The following ROBO2 variants were observed in gnomAD, a reference collection of about 807,000 sequenced individuals.
ROBO2 encodes roundabout homolog 2.
Under a neutral mutation model 160.8 loss-of-function variants are expected in ROBO2, and 53 were observed. The observed-to-expected ratio is 0.33, with a 90% CI of 0.26 to 0.41. ROBO2 has a LOEUF of 0.41. Ranked by LOEUF, ROBO2 falls within the 10% of genes least tolerant of loss-of-function variation. ROBO2 has a pLI of 1.00. For missense variants in ROBO2, 1,577 were observed against 1,722.4 expected (o/e 0.92, Z 1.49); for synonymous variants, 664 against 611.7 (o/e 1.09, Z -1.26).
chr3:77,002,316 A>G (rs1048644750), intron 2 of ROBO2, among the ~76,000 whole-genome samples: 1 of 151,896 alleles, frequency 6.6e-6, no homozygotes, highest in South Asian at 2.1e-4. Flanking sequence ...TTCTCTAAAA[A>G]TTTATAATGC....
intron 2 of ROBO2, among the ~76,000 whole-genome samples, chr3:77,472,067 C>T (rs1445333680): frequency 1.3e-5 from 2 of 152,094 alleles, no homozygotes; most frequent in African/African-American, 4.8e-5. Context: ...AGTTTAAAGT[C>T]TGAAGTGGCG....
chr3:76,005,639 C>T (rs539145055), intron 2 of ROBO2, among the ~76,000 whole-genome samples: 2 of 152,278 alleles, frequency 1.3e-5, no homozygotes, highest in Admixed American at 1.3e-4. Context: ...CAATAATTTC[C>T]TCTCTATATA....
intron 2 of ROBO2, among the ~76,000 whole-genome samples, chr3:76,064,037 C>G (rs1218800670): frequency 1.3e-5 from 2 of 152,172 alleles, no homozygotes; most frequent in Non-Finnish European, 2.9e-5. Flanking sequence ...AGCAGAGAAA[C>G]AGGGACGTTA....
At chr3:76,026,762 A>G (rs1576537624) in intron 2 of ROBO2, among the ~76,000 whole-genome samples, 1 of 152,108 alleles carries the variant, frequency 6.6e-6, no homozygotes, top group East Asian at 1.9e-4. Context: ...CAAAATGTGA[A>G]GTAGGGAAGG....
chr3:77,292,989 C>T (rs557621529), intron 2 of ROBO2, among the ~76,000 whole-genome samples: 362 of 144,788 alleles, frequency 2.5e-3, no homozygotes, highest in South Asian at 6.2e-3. Context: ...GTAAAATTGA[C>T]GGTTAAACGG....
intron 2 of ROBO2, among the ~76,000 whole-genome samples, chr3:75,958,979 C>T (rs1221823185): frequency 1.3e-5 from 2 of 151,766 alleles, no homozygotes; most frequent in Non-Finnish European, 2.9e-5. Flanking sequence ...GCTGTCAAGC[C>T]ATGCTTTGCT....
chr3:76,564,709 G>A (rs2084405634), intron 2 of ROBO2, among the ~76,000 whole-genome samples: 1 of 152,158 alleles, frequency 6.6e-6, no homozygotes, highest in Non-Finnish European at 1.5e-5. Context: ...ACACACAGGT[G>A]GGGACAGGCC....
chr3:76,794,964 G>A (rs529121302), intron 2 of ROBO2, among the ~76,000 whole-genome samples: 1 of 152,016 alleles, frequency 6.6e-6, no homozygotes, highest in East Asian at 1.9e-4. Context: ...TGCACATTCA[G>A]GTCCAGACCA....
chr3:77,420,362 G>A (rs955268434), intron 2 of ROBO2, among the ~76,000 whole-genome samples: 4 of 151,780 alleles, frequency 2.6e-5, no homozygotes, highest in South Asian at 4.1e-4. Flanking sequence ...ATATATGGTC[G>A]TGTATCATAA....
intron 2 of ROBO2, among the ~76,000 whole-genome samples, chr3:77,321,905 T>C (rs899056710): frequency 1.3e-5 from 2 of 152,006 alleles, no homozygotes; most frequent in Admixed American, 6.6e-5. Flanking sequence ...GTACAGAAGA[T>C]AAGTGTAAAT....
intron 2 of ROBO2, among the ~76,000 whole-genome samples, chr3:76,206,825 A>C (rs1198640751): frequency 6.6e-5 from 10 of 152,176 alleles, no homozygotes; most frequent in Admixed American, 6.5e-4. Flanking sequence ...GTAATGTGCA[A>C]AGCATCTGTA....
chr3:76,333,102 G>T (rs2073615155), intron 2 of ROBO2, among the ~76,000 whole-genome samples: 1 of 152,126 alleles, frequency 6.6e-6, no homozygotes, highest in Non-Finnish European at 1.5e-5. Flanking sequence ...TATGTAAACT[G>T]GTCTTCAGTG....
intron 7 of ROBO2, among the ~76,000 whole-genome samples, chr3:77,547,260 T>C (rs1191482389): frequency 6.6e-6 from 1 of 152,116 alleles, no homozygotes; most frequent in Non-Finnish European, 1.5e-5. Flanking sequence ...TTGTGTTGTT[T>C]GCAAAATAAT....
At chr3:76,143,914 T>G (rs2071785678) in intron 2 of ROBO2, among the ~76,000 whole-genome samples, 1 of 151,900 alleles carries the variant, frequency 6.6e-6, no homozygotes, top group African/African-American at 2.4e-5. Context: ...GAACAGTGTC[T>G]CAGCTCAGAG....
intron 16 of ROBO2, among the ~76,000 whole-genome samples, chr3:77,586,339 G>C (rs940306744): frequency 1.3e-5 from 2 of 151,960 alleles, no homozygotes; most frequent in East Asian, 3.9e-4. Context: ...GGCTTTTCAC[G>C]CTTACATTAC....
At chr3:76,495,134 T>C (rs1041053888) in intron 2 of ROBO2, among the ~76,000 whole-genome samples, 1 of 151,974 alleles carries the variant, frequency 6.6e-6, no homozygotes, top group Non-Finnish European at 1.5e-5. Flanking sequence ...TGAAGACAAA[T>C]ATAGCCTATG....
chr3:76,847,950 C>G (rs958350474), intron 2 of ROBO2, among the ~76,000 whole-genome samples: 2 of 151,630 alleles, frequency 1.3e-5, no homozygotes, highest in Admixed American at 1.3e-4. Context: ...ATAATTATTT[C>G]ATTGATAAAA....
At chr3:76,341,760 G>A (rs893928129) in intron 2 of ROBO2, among the ~76,000 whole-genome samples, 1 of 152,144 alleles carries the variant, frequency 6.6e-6, no homozygotes, top group Non-Finnish European at 1.5e-5. Flanking sequence ...AAGGAAAATG[G>A]CTTAAAAAAT....
intron 2 of ROBO2, among the ~76,000 whole-genome samples, chr3:76,397,281 C>G: frequency 6.6e-6 from 1 of 152,214 alleles, no homozygotes; most frequent in Middle Eastern, 3.4e-3. Flanking sequence ...ATGTAGAAAG[C>G]TGAAACTGGA....
Sources: allele counts gnomAD v4.1 joint callset (sites outside exome capture counted in the v4.1 genomes callset), GRCh38; gene constraint gnomAD v4.1.1; transcripts MANE v1.5; gene names NCBI Gene and HGNC (gene_info 2026-07-23, HGNC 2026-07-21).